ZDHHC14: variants seen among roughly 807,000 people sequenced by gnomAD.
ZDHHC14 encodes the protein zDHHC palmitoyltransferase 14, also known as palmitoyltransferase ZDHHC14.
Under a neutral mutation model 47.7 loss-of-function variants are expected in ZDHHC14, and 16 were observed. The ratio of observed to expected loss-of-function variants is 0.34; its 90% CI spans 0.23 to 0.51. ZDHHC14 has a LOEUF of 0.51. Ranked by LOEUF, ZDHHC14 falls within the 20% of genes least tolerant of loss-of-function variation. The pLI is 0.97. For synonymous variants in ZDHHC14, 293 were observed against 278.9 expected (o/e 1.05, Z -0.50); for missense variants, 515 against 662.5 (o/e 0.78, Z 2.44).
intron 1 of ZDHHC14, among the ~76,000 whole-genome samples, chr6:157,530,537 T>C (rs1425560136): frequency 6.6e-6 from 1 of 152,240 alleles, no homozygotes; most frequent in Non-Finnish European, 1.5e-5. Context: ...TATGCACTTT[T>C]GAAGCTGTCT....
In ZDHHC14 at chr6:157,427,517, G is replaced by A. The variant is rs1778246274; in HGVS notation, c.245+45251G>A. Among the ~76,000 whole-genome samples the A allele has an allele frequency of 6.6e-6, 1 of 152,096 alleles. No individual in the cohort carries two copies. Among genetic ancestry groups the A allele is most frequent in the East Asian group, 1.9e-4 (1 of 5,194 alleles). On this transcript the variant is annotated intron_variant, in intron 1 of 8. Transcript: ENST00000359775. This position sits in a 1 kb window ranked among gnomAD's most constrained non-coding sequence, Gnocchi z 4.4. ...TTGGCTGGGTTCACTCAGGGTTGGA[G>A]TTTAACAGAGCAAATGCAGGACCAG...
intron 1 of ZDHHC14, among the ~76,000 whole-genome samples, chr6:157,490,993 G>A (rs1194447977): frequency 6.6e-6 from 1 of 152,170 alleles, no homozygotes; most frequent in Non-Finnish European, 1.5e-5. Flanking sequence ...TATTAGGGAG[G>A]GAAGGGGGAG....
rs181867738 is a variant in ZDHHC14 at position 157,556,910 on chromosome 6, C to T, written c.406+14165C>T. On this transcript the variant is annotated intron_variant, in intron 2 of 8. Coordinates refer to ENST00000359775, the MANE Select transcript of ZDHHC14 (RefSeq NM_024630.3). ...TGGGGCTGATGAGGAGGAAGAGTTG[C>T]GGGCACTGAGGGGCTCGGGTTAGAG... Among the ~76,000 whole-genome samples the T allele has an allele frequency of 5.6e-4, 85 of 152,188 alleles. No homozygotes were observed. The East Asian group carries it at 7.5e-3, about 14-fold the overall frequency.
At chr6:157,605,449 T>A (rs1784502145) in intron 3 of ZDHHC14, among the ~76,000 whole-genome samples, 1 of 152,234 alleles carries the variant, frequency 6.6e-6, no homozygotes, top group Non-Finnish European at 1.5e-5. Context: ...CCTTTATTTA[T>A]GTATGGATTC....
At chr6:157,568,106 G>A (rs1350727791) in intron 2 of ZDHHC14, among the ~76,000 whole-genome samples, 3 of 152,156 alleles carry the variant, frequency 2.0e-5, no homozygotes, top group Admixed American at 2.0e-4. Context: ...CTATGAACTT[G>A]CATTTTTTTC....
intron 1 of ZDHHC14, among the ~76,000 whole-genome samples, chr6:157,450,420 C>T (rs886299171): frequency 1.3e-5 from 2 of 150,558 alleles, no homozygotes; most frequent in Non-Finnish European, 2.9e-5. Context: ...GAGGCTGAGG[C>T]AGGAGAATGG....
chr6:157,421,698 C>G (rs1296320430), intron 1 of ZDHHC14, among the ~76,000 whole-genome samples: 3 of 151,904 alleles, frequency 2.0e-5, no homozygotes, highest in Non-Finnish European at 2.9e-5. Flanking sequence ...ACCTCCGCCT[C>G]CTGCGTTCAA....
intron 2 of ZDHHC14, among the ~76,000 whole-genome samples, chr6:157,561,068 G>T (rs1431586663): frequency 6.6e-6 from 1 of 152,224 alleles, no homozygotes; most frequent in Non-Finnish European, 1.5e-5. Flanking sequence ...ATTTCGGGGA[G>T]CCCAGGTCCT....
In ZDHHC14 at chr6:157,429,440, T is replaced by C. The variant is rs146794729; in HGVS notation, c.245+47174T>C. ...TTTGCACATCACTGCCCTAGATGGATGGTAAGTCTTTAACTGATGAGTTCC... is the reference window on the plus strand; with the variant it reads ...TTTGCACATCACTGCCCTAGATGGACGGTAAGTCTTTAACTGATGAGTTCC... On this transcript the variant is annotated intron_variant, in intron 1 of 8. Coordinates refer to ENST00000359775, the MANE Select transcript of ZDHHC14 (RefSeq NM_024630.3). Among the ~76,000 whole-genome samples the C allele has an allele frequency of 2.7e-3, 413 of 152,264 alleles. 3 individuals are homozygous for C. The highest frequency in any genetic ancestry group is 4.6e-3 in the Non-Finnish European group (311 of 68,012).
intron 2 of ZDHHC14, among the ~76,000 whole-genome samples, chr6:157,566,287 C>T (rs1265282441): frequency 1.3e-5 from 2 of 152,114 alleles, no homozygotes; most frequent in Non-Finnish European, 1.5e-5. Flanking sequence ...GTTGGCTAGC[C>T]GAATCCAGAC....
chr6:157,572,365 A>T (rs1395866903), intron 2 of ZDHHC14, among the ~76,000 whole-genome samples: 1 of 152,216 alleles, frequency 6.6e-6, no homozygotes, highest in Non-Finnish European at 1.5e-5. Flanking sequence ...CCCGATCATC[A>T]GCCAAGTTTA....
At chr6:157,445,374 C>T (rs1778644557) in intron 1 of ZDHHC14, among the ~76,000 whole-genome samples, 1 of 152,134 alleles carries the variant, frequency 6.6e-6, no homozygotes, top group Non-Finnish European at 1.5e-5. Context: ...AGCCAAGATG[C>T]GCCAGAAATA....
chr6:157,657,973 G>A (rs936337137), intron 8 of ZDHHC14, among the ~76,000 whole-genome samples: 1 of 152,200 alleles, frequency 6.6e-6, no homozygotes, highest in Non-Finnish European at 1.5e-5. Flanking sequence ...TATAAAATGG[G>A]AACATTGATA....
Position 157,467,136 on chromosome 6 carries a change from G to A in ZDHHC14, c.246-75449G>A, listed in dbSNP as rs113957372. Among the ~76,000 whole-genome samples, 290 of 152,250 alleles carry A rather than the reference G, an allele frequency of 1.9e-3. 3 individuals are homozygous for A. Among genetic ancestry groups the A allele is most frequent in the African/African-American group, 6.4e-3 (265 of 41,560 alleles). Reference sequence around the variant, plus strand: ...AAGGAGGTCATAAAATTCTCGCATTGCAAGATTTTTTTACAGCACCTTTAT... The same window carrying A: ...AAGGAGGTCATAAAATTCTCGCATTACAAGATTTTTTTACAGCACCTTTAT... On this transcript the variant is annotated intron_variant, in intron 1 of 8. Coordinates refer to ENST00000359775, the MANE Select transcript of ZDHHC14 (RefSeq NM_024630.3).
At chr6:157,426,473 T>G (rs1274493618) in intron 1 of ZDHHC14, among the ~76,000 whole-genome samples, 1 of 152,114 alleles carries the variant, frequency 6.6e-6, no homozygotes, top group Non-Finnish European at 1.5e-5. Context: ...CACAGAGCAG[T>G]TTGGCCCCCA....
At position 157,563,519 on chromosome 6, in the gene ZDHHC14, G is replaced by A. The variant is rs531678491; in HGVS notation, c.406+20774G>A. 2.0e-5 allele frequency among the ~76,000 whole-genome samples: 3 copies of A among 152,306 alleles called. No individual in the cohort carries two copies. The South Asian group carries it at 6.2e-4, about 32-fold the overall frequency. ...CTCCAATACCTGGTTCTCAGGTGGT[G>A]CTTATTAGAGAGACCCCATGGCAAG... On this transcript the variant is annotated intron_variant, in intron 2 of 8. Coordinates refer to ENST00000359775, the MANE Select transcript of ZDHHC14 (RefSeq NM_024630.3).
chr6:157,501,722 G>A (rs1780197216), intron 1 of ZDHHC14, among the ~76,000 whole-genome samples: 1 of 152,172 alleles, frequency 6.6e-6, no homozygotes, highest in South Asian at 2.1e-4. Flanking sequence ...CATTTTACTG[G>A]TTCATGGAGC....
intron 3 of ZDHHC14, among the ~76,000 whole-genome samples, chr6:157,622,278 C>T (rs1785227412): frequency 6.6e-6 from 1 of 151,100 alleles, no homozygotes; most frequent in South Asian, 2.1e-4. Flanking sequence ...TAGTCCCAGC[C>T]ACTCGGGAGG....
intron 8 of ZDHHC14, among the ~76,000 whole-genome samples, chr6:157,667,022 ACT>A (rs1308855351): frequency 6.6e-6 from 1 of 152,180 alleles, no homozygotes; most frequent in African/African-American, 2.4e-5. Context: ...TTTCATAGAC[ACT>A]CTTACAAGAA....
Sources: gnomAD v4.1 joint callset for allele counts (sites outside exome capture counted in the v4.1 genomes callset) on GRCh38, gnomAD v4.1.1 for gene constraint, Gnocchi (gnomAD v3.1) non-coding constraint, MANE v1.5 for transcripts, NCBI Gene and HGNC (gene_info 2026-07-23, HGNC 2026-07-21) for gene names.